AFG2A: variants seen among roughly 807,000 people sequenced by gnomAD.
AFG2A encodes ATPase family gene 2 protein homolog A.
chr4:123,274,953 G>A, the AFG2A span, among the ~76,000 whole-genome samples: 3 of 152,110 alleles, frequency 2.0e-5, no homozygotes, highest in Non-Finnish European at 2.9e-5. Flanking sequence ...AGCTGCTTTG[G>A]TGTTGTTTTT....
chr4:123,084,538 T>TTATAGATA, the AFG2A span, among the ~76,000 whole-genome samples: 6 of 150,688 alleles, frequency 4.0e-5, no homozygotes, highest in African/African-American at 1.5e-4. Context: ...ATTTATATAT[T>TTATAGATA]TATAGATATA....
the AFG2A span, among the ~76,000 whole-genome samples, chr4:123,068,557 A>G: frequency 1.3e-5 from 2 of 152,220 alleles, no homozygotes; most frequent in African/African-American, 2.4e-5. Context: ...TAGATGCTAC[A>G]TAATAACAGC....
the AFG2A span, chr4:123,313,791 A>G: frequency 1.7e-6 from 2 of 1,176,138 alleles, no homozygotes; most frequent in Non-Finnish European, 2.3e-6. Context: ...ATTTAGTTGT[A>G]GAAGGTACCA....
At chr4:123,182,539 G>T in the AFG2A span, among the ~76,000 whole-genome samples, 2 of 152,112 alleles carry the variant, frequency 1.3e-5, no homozygotes, top group Non-Finnish European at 2.9e-5. Context: ...CTAGGTATTA[G>T]ATGTTTCCAT....
At chr4:123,307,756 G>A in the AFG2A span, among the ~76,000 whole-genome samples, 4 of 152,172 alleles carry the variant, frequency 2.6e-5, no homozygotes, top group African/African-American at 9.7e-5. Context: ...GGTCCCATAA[G>A]ATTACAATAT....
the AFG2A span, among the ~76,000 whole-genome samples, chr4:122,936,370 A>T: frequency 1.3e-5 from 2 of 152,260 alleles, no homozygotes; most frequent in Non-Finnish European, 2.9e-5. Flanking sequence ...GAATTAAGAC[A>T]TAGTGTTTGA....
chr4:122,931,404 C>T, the AFG2A span, among the ~76,000 whole-genome samples: 2 of 152,104 alleles, frequency 1.3e-5, no homozygotes, highest in Admixed American at 6.6e-5. Flanking sequence ...TTGCCTTGAA[C>T]ACCGTTAGCA....
At chr4:122,931,902 G>A in the AFG2A span, among the ~76,000 whole-genome samples, 1 of 152,176 alleles carries the variant, frequency 6.6e-6, no homozygotes, top group Non-Finnish European at 1.5e-5. Flanking sequence ...ATAAGTTTTT[G>A]GGAGTTGGTA....
the AFG2A span, among the ~76,000 whole-genome samples, chr4:123,002,804 A>C: frequency 0.022 from 3,305 of 151,852 alleles, 106 homozygotes; most frequent in South Asian, 0.11. Flanking sequence ...CTTCTCGAGG[A>C]GTATCTTTGT....
At chr4:123,317,902 A>C in the AFG2A span, 4 of 152,218 alleles carry the variant, frequency 2.6e-5, no homozygotes, top group Admixed American at 2.6e-4. Context: ...AGAAAAGAAA[A>C]GCACCAAATA....
the AFG2A span, among the ~76,000 whole-genome samples, chr4:123,110,347 T>C: frequency 6.6e-6 from 1 of 152,288 alleles, no homozygotes; most frequent in East Asian, 1.9e-4. Context: ...CATGAGTTGA[T>C]ATTTCACATT....
the AFG2A span, among the ~76,000 whole-genome samples, chr4:123,203,880 A>G: frequency 6.6e-6 from 1 of 152,198 alleles, no homozygotes; most frequent in Non-Finnish European, 1.5e-5. Context: ...AATCCAACAT[A>G]TGTCTCATCG....
the AFG2A span, among the ~76,000 whole-genome samples, chr4:123,001,593 T>A: frequency 6.6e-6 from 1 of 151,886 alleles, no homozygotes; most frequent in African/African-American, 2.4e-5. Context: ...GGTTGTTCAG[T>A]TTCCATGTAG....
the AFG2A span, among the ~76,000 whole-genome samples, chr4:123,207,739 T>A: frequency 6.6e-6 from 1 of 152,184 alleles, no homozygotes; most frequent in Non-Finnish European, 1.5e-5. Flanking sequence ...GGTGAGATAC[T>A]TGTATACTGA....
At chr4:122,958,094 T>C in the AFG2A span, among the ~76,000 whole-genome samples, 1 of 152,330 alleles carries the variant, frequency 6.6e-6, no homozygotes, top group South Asian at 2.1e-4. Flanking sequence ...CCTTCAGAAA[T>C]CTCTGCTTTG....
At chr4:123,008,847 T>C in the AFG2A span, among the ~76,000 whole-genome samples, 98 of 152,286 alleles carry the variant, frequency 6.4e-4, 1 homozygote, top group African/African-American at 2.3e-3. Context: ...AGGATAAGTT[T>C]AAAGGTTTGG....
chr4:123,308,358 G>A, the AFG2A span, among the ~76,000 whole-genome samples: 1 of 152,032 alleles, frequency 6.6e-6, no homozygotes, highest in African/African-American at 2.4e-5. Flanking sequence ...CTGGATCAGG[G>A]GTTCCCACCA....
the AFG2A span, chr4:122,923,311 G>C: frequency 1.2e-6 from 2 of 1,613,630 alleles, no homozygotes; most frequent in Non-Finnish European, 1.7e-6. Context: ...AAAGGGTAAA[G>C]AATTCCGGGT....
chr4:123,274,531 A>T, the AFG2A span, among the ~76,000 whole-genome samples: 1 of 151,976 alleles, frequency 6.6e-6, no homozygotes, highest in African/African-American at 2.4e-5. Flanking sequence ...ATTTGATGAT[A>T]ACAGATTTGG....
Sources: gnomAD v4.1 joint callset for allele counts (sites outside exome capture counted in the v4.1 genomes callset) on GRCh38, gnomAD v4.1.1 for gene constraint, MANE v1.5 for transcripts, NCBI Gene and HGNC (gene_info 2026-07-23, HGNC 2026-07-21) for gene names.